The following FOXN3 variants were observed in gnomAD, a reference collection of about 807,000 sequenced individuals.
FOXN3 encodes forkhead box protein N3.
FOXN3 carries 7 observed loss-of-function variants against 38.4 expected under a neutral mutation model. That is an observed-to-expected ratio of 0.18 (90% confidence interval 0.10 to 0.34). FOXN3 has a LOEUF of 0.34. Among genes scored for constraint, FOXN3 ranks in the 10% least tolerant of loss-of-function variants. The pLI is 1.00. For missense variants in FOXN3, 456 were observed against 613.4 expected, an observed-to-expected ratio of 0.74 and a Z score of 2.71; for synonymous variants, 230 against 242.2, an observed-to-expected ratio of 0.95 and a Z score of 0.47.
intron 1 of FOXN3, among the ~76,000 whole-genome samples, chr14:89,466,256 A>G (rs1276210228): frequency 1.3e-5 from 2 of 152,152 alleles, no homozygotes; most frequent in Non-Finnish European, 2.9e-5. Flanking sequence ...ATTCAAGTTG[A>G]TCCGCTTAAG....
intron 3 of FOXN3, among the ~76,000 whole-genome samples, chr14:89,308,782 C>T (rs1887450468): frequency 6.6e-6 from 1 of 152,162 alleles, no homozygotes; most frequent in African/African-American, 2.4e-5. Context: ...GCTAGGAGGC[C>T]AGAAAGCAGC....
At position 89,170,755 on chromosome 14, in the gene FOXN3, C is replaced by A. The variant is rs1045172395; in HGVS notation, c.852-7786G>T. Among the ~76,000 whole-genome samples the A allele has an allele frequency of 5.3e-5, 8 of 151,968 alleles. No homozygotes were observed. The South Asian group carries it at 8.3e-4, about 16-fold the overall frequency. On this transcript the variant is annotated intron_variant, in intron 5 of 5. Coordinates refer to ENST00000557258, the MANE Select transcript of FOXN3 (RefSeq NM_005197.4). The stretch of plus-strand genomic sequence containing the variant: ...CCATCTTCTCTTTAGTGTGGAAATT[C>A]AAAAAACACATTTTAAAAATACCCA...
intron 3 of FOXN3, among the ~76,000 whole-genome samples, chr14:89,341,925 G>A (rs1047764666): frequency 1.3e-5 from 2 of 152,082 alleles, no homozygotes; most frequent in African/African-American, 2.4e-5. Context: ...TGGCTATCCC[G>A]AGAAGTAAAT....
intron 3 of FOXN3, among the ~76,000 whole-genome samples, chr14:89,332,037 T>A (rs933126263): frequency 6.6e-6 from 1 of 152,234 alleles, no homozygotes; most frequent in African/African-American, 2.4e-5. Context: ...CCCAAACTTA[T>A]TGACCACGGG....
At chr14:89,353,034 A>G (rs902487362) in intron 2 of FOXN3, among the ~76,000 whole-genome samples, 1 of 152,234 alleles carries the variant, frequency 6.6e-6, no homozygotes, top group Admixed American at 6.5e-5. Context: ...GCTAAGCAGA[A>G]TAAACCCCCA....
chr14:89,178,340 G>T (rs182484897), intron 5 of FOXN3, among the ~76,000 whole-genome samples: 4 of 152,046 alleles, frequency 2.6e-5, no homozygotes, highest in African/African-American at 4.8e-5. Flanking sequence ...TGTAGAGCTG[G>T]GATCTCCCTA....
At chr14:89,485,477 CA>C (rs1162974373) in intron 1 of FOXN3, among the ~76,000 whole-genome samples, 1 of 152,174 alleles carries the variant, frequency 6.6e-6, no homozygotes, top group Non-Finnish European at 1.5e-5. Flanking sequence ...GAGCTCATCC[CA>C]GGGCCCTGAC....
At chr14:89,583,421 T>C (rs1895783993) in intron 1 of FOXN3, among the ~76,000 whole-genome samples, 1 of 152,170 alleles carries the variant, frequency 6.6e-6, no homozygotes, top group Admixed American at 6.5e-5. Flanking sequence ...ACAGCATTCA[T>C]CCCATTTTGC....
chr14:89,519,265 A>C lies in FOXN3; in HGVS notation c.-15+99763T>G, dbSNP rs138655080. 1.1e-3 allele frequency among the ~76,000 whole-genome samples: 168 copies of C among 152,156 alleles called. 4 individuals are homozygous for C. In the East Asian group the frequency reaches 0.031, roughly 28 times the overall value. ...GCATTTTCATTTCCCTGCCGTCCAG[A>C]GGTGTTTGTGAGACATGCCTGCCGA... On this transcript the variant is annotated intron_variant, in intron 1 of 6. Coordinates refer to the FOXN3 transcript ENST00000345097.
At chr14:89,170,761 A>G (rs1273017833) in intron 5 of FOXN3, among the ~76,000 whole-genome samples, 1 of 152,236 alleles carries the variant, frequency 6.6e-6, no homozygotes, top group African/African-American at 2.4e-5. Context: ...AATTCAAAAA[A>G]CACATTTTAA....
chr14:89,216,927 G>C (rs2139837996), intron 4 of FOXN3, among the ~76,000 whole-genome samples: 1 of 152,238 alleles, frequency 6.6e-6, no homozygotes, highest in South Asian at 2.1e-4. Context: ...TGCTTCTTGA[G>C]GGCAAGGAGT....
chr14:89,287,100 TG>T (rs1886651302), intron 3 of FOXN3, among the ~76,000 whole-genome samples: 1 of 152,012 alleles, frequency 6.6e-6, no homozygotes, highest in African/African-American at 2.4e-5. Context: ...AATGAGATGA[TG>T]GGGGAAAAAA....
intron 1 of FOXN3, among the ~76,000 whole-genome samples, chr14:89,549,060 A>G (rs11626986): frequency 0.43 from 64,518 of 151,346 alleles, 17,569 homozygotes; most frequent in Non-Finnish European, 0.61. Context: ...CGGAGGTTGT[A>G]GTGAGCTGAG....
chr14:89,202,807 C>T (rs1330261768), intron 4 of FOXN3, among the ~76,000 whole-genome samples: 2 of 152,158 alleles, frequency 1.3e-5, no homozygotes, highest in South Asian at 2.1e-4. Context: ...CTGGTGCTGG[C>T]GCCATGAAGT....
At chr14:89,195,773 G>A (rs1391962457) in intron 4 of FOXN3, among the ~76,000 whole-genome samples, 5 of 152,152 alleles carry the variant, frequency 3.3e-5, no homozygotes, top group Non-Finnish European at 1.5e-5. Flanking sequence ...AAGTGAGACA[G>A]GGGGGTACGA....
chr14:89,477,669 A>C (rs1456304455), intron 1 of FOXN3, among the ~76,000 whole-genome samples: 35 of 152,190 alleles, frequency 2.3e-4, no homozygotes, highest in Non-Finnish European at 4.9e-4. Context: ...ACTGGGCTGA[A>C]GGGAACCAAC....
Position 89,290,307 on chromosome 14 carries a change from T to C in FOXN3, c.681-9293A>G, listed in dbSNP as rs114325852. 2.3e-3 allele frequency: 787 copies of C among 349,118 alleles called. 5 individuals are homozygous for C. Among genetic ancestry groups the C allele is most frequent in the African/African-American group, 0.017 (767 of 46,046 alleles). 21.6% of individuals were successfully genotyped at this position (349,118 alleles called of 1,614,324 possible). A position where few individuals can be genotyped will look rare whatever the true frequency, so the allele number is the denominator to read the frequency against. On this transcript the variant is annotated intron_variant, in intron 3 of 5. Transcript: ENST00000557258. ...ATAAGTATATTCATTTTGGATGATA[T>C]GATGCTCACAATCTCACAGTCTAAT... is the stretch of plus-strand genomic sequence containing the variant.
intron 1 of FOXN3, among the ~76,000 whole-genome samples, chr14:89,553,179 C>T (rs186976477): frequency 9.9e-5 from 14 of 140,782 alleles, no homozygotes; most frequent in African/African-American, 3.7e-4. Flanking sequence ...GTTGAGAATG[C>T]AGTAAGCAGT....
intron 1 of FOXN3, among the ~76,000 whole-genome samples, chr14:89,527,486 G>C (rs554364365): frequency 3.3e-5 from 5 of 152,142 alleles, no homozygotes; most frequent in Admixed American, 2.0e-4. Context: ...ATTTGATGAA[G>C]AACTTATATC....
Sources: allele counts gnomAD v4.1 joint callset (sites outside exome capture counted in the v4.1 genomes callset), GRCh38; gene constraint gnomAD v4.1.1; transcripts MANE v1.5; gene names NCBI Gene and HGNC (gene_info 2026-07-23, HGNC 2026-07-21).